Variants in AHCTF1 observed in about 807,000 individuals in gnomAD.
AHCTF1 encodes the protein protein ELYS.
Under a neutral mutation model 248.4 loss-of-function variants are expected in AHCTF1, and 24 were observed. That is an observed-to-expected ratio of 0.10 (90% confidence interval 0.07 to 0.14). The LOEUF (loss-of-function observed/expected upper bound fraction) is 0.14, where lower values mean the gene tolerates loss of function less well. Ranked by LOEUF, AHCTF1 falls within the 10% of genes least tolerant of loss-of-function variation. AHCTF1 has a pLI of 1.00. For synonymous variants in AHCTF1, 786 were observed against 929.8 expected (o/e 0.85, Z 2.81); for missense variants, 2,206 against 2,636.2 (o/e 0.84, Z 3.57).
At chr1:246,869,137 C>A (rs1278403519) in intron 24 of AHCTF1, among the ~76,000 whole-genome samples, 1 of 151,902 alleles carries the variant, frequency 6.6e-6, no homozygotes, top group Non-Finnish European at 1.5e-5. Context: ...GCCACCACGC[C>A]CGGCCGTGTG....
At position 246,891,772 on chromosome 1, in the gene AHCTF1, A is replaced by G; in HGVS notation, c.1945+7T>C. On this transcript the variant is annotated splice_region_variant and intron_variant, in intron 15 of 35. Transcript: ENST00000648844. ...AAAACACTCATTTGATAAAACAAAG[A>G]GCGTACCTCTCTCAGTGATCTCTCG... The G allele has an allele frequency of 6.2e-7, 1 of 1,607,048 alleles. No homozygotes were observed. Among genetic ancestry groups the G allele is most frequent in the Non-Finnish European group, 8.5e-7 (1 of 1,178,452 alleles).
chr1:246,921,578 A>C lies in AHCTF1; in HGVS notation c.-7-3201T>G, dbSNP rs539812932. On this transcript the variant is annotated intron_variant, in intron 1 of 35. Coordinates refer to ENST00000648844, the MANE Select transcript of AHCTF1 (RefSeq NM_001323342.2). Reference sequence around the variant, plus strand: ...GCCTAATCAGAATCCCCCCAAAAATATAGTACTAATAGGAAGAAGCAATAT... The same window carrying C: ...GCCTAATCAGAATCCCCCCAAAAATCTAGTACTAATAGGAAGAAGCAATAT... 2.8e-3 allele frequency among the ~76,000 whole-genome samples: 427 copies of C among 152,282 alleles called. 2 individuals carry two copies. Among genetic ancestry groups the C allele is most frequent in the Non-Finnish European group, 5.2e-3 (357 of 68,016 alleles).
At chr1:246,847,132 C>CA (rs923792420) in intron 33 of AHCTF1, among the ~76,000 whole-genome samples, 2 of 151,638 alleles carry the variant, frequency 1.3e-5, no homozygotes, top group East Asian at 2.0e-4. Flanking sequence ...ACTAAAAATA[C>CA]AAAAAAATGA....
At chr1:246,910,751 A>C (rs1665744163) in intron 4 of AHCTF1, among the ~76,000 whole-genome samples, 1 of 148,202 alleles carries the variant, frequency 6.7e-6, no homozygotes, top group Admixed American at 6.8e-5. Context: ...CCCACCCCCA[A>C]ATCACTTCTG....
intron 26 of AHCTF1, chr1:246,864,385 T>G: frequency 1.0e-5 from 3 of 297,296 alleles, no homozygotes; most frequent in East Asian, 6.3e-5. Flanking sequence ...TACTGAGCTC[T>G]TACTATGTGC....
chr1:246,925,035 A>AAAG, intron 1 of AHCTF1, among the ~76,000 whole-genome samples: 1 of 152,182 alleles, frequency 6.6e-6, no homozygotes, highest in Non-Finnish European at 1.5e-5. Context: ...AAAGGCCAGA[A>AAAG]TCACATTGTT....
intron 8 of AHCTF1, among the ~76,000 whole-genome samples, chr1:246,901,330 C>T (rs1238492735): frequency 6.6e-6 from 1 of 151,400 alleles, no homozygotes; most frequent in Non-Finnish European, 1.5e-5. Context: ...GACAGTGAGA[C>T]CCTGTCTCTA....
intron 10 of AHCTF1, 55 bp from the exon 11 acceptor site, chr1:246,899,567 T>C (rs886222853): frequency 1.7e-5 from 24 of 1,390,860 alleles, no homozygotes; most frequent in South Asian, 6.2e-5. Context: ...ATGGCATTAA[T>C]AGAACAAAAT....
At chr1:246,868,946 G>T (rs372392410) in intron 24 of AHCTF1, among the ~76,000 whole-genome samples, 1 of 150,010 alleles carries the variant, frequency 6.7e-6, no homozygotes, top group East Asian at 2.0e-4. Flanking sequence ...CCGGGTTCAC[G>T]CCATTCTCCT....
chr1:246,929,425 A>AAAT (rs1200796121), intron 1 of AHCTF1, among the ~76,000 whole-genome samples: 3 of 151,870 alleles, frequency 2.0e-5, no homozygotes, highest in Non-Finnish European at 2.9e-5. Context: ...ATAAAAATAA[A>AAAT]AATAAAAATA....
chr1:246,869,001 T>C (rs1779981), intron 24 of AHCTF1, among the ~76,000 whole-genome samples: 136,448 of 150,946 alleles, frequency 0.9, 61,932 homozygotes, highest in East Asian at 1. Flanking sequence ...CCCGCCACCA[T>C]GCCTGGCTAA....
At chr1:246,887,950 C>G (rs983415357) in intron 19 of AHCTF1, among the ~76,000 whole-genome samples, 4 of 152,126 alleles carry the variant, frequency 2.6e-5, no homozygotes, top group Non-Finnish European at 4.4e-5. Flanking sequence ...TGATAAAAGC[C>G]AAGTACCCTA....
At chr1:246,872,673 A>G (rs1176802783) in intron 24 of AHCTF1, among the ~76,000 whole-genome samples, 1 of 152,200 alleles carries the variant, frequency 6.6e-6, no homozygotes, top group Non-Finnish European at 1.5e-5. Flanking sequence ...GGAAACTCAA[A>G]AACTGACTAA....
At chr1:246,881,811 C>G (rs751596748) in intron 21 of AHCTF1, among the ~76,000 whole-genome samples, 18 of 146,656 alleles carry the variant, frequency 1.2e-4, no homozygotes, top group Non-Finnish European at 2.2e-4. Context: ...GCACCCCAGC[C>G]TGGGTAACAG....
chr1:246,931,522 C>T (rs1192783677), intron 1 of AHCTF1, 56 bp downstream of exon 1: 3 of 359,782 alleles, frequency 8.3e-6, no homozygotes, highest in East Asian at 1.7e-4. Context: ...CGGGTCCAGG[C>T]CGCGCGACCC....
chr1:246,868,905 T>G (rs368778976), intron 24 of AHCTF1, among the ~76,000 whole-genome samples: 2 of 148,326 alleles, frequency 1.3e-5, no homozygotes, highest in African/African-American at 5.0e-5. Flanking sequence ...AGTGCAGTGG[T>G]GTGATCTCGG....
At position 246,849,600 on chromosome 1, in the gene AHCTF1, G is replaced by A; in HGVS notation, c.6391+15C>T. The A allele has an allele frequency of 1.9e-6, 3 of 1,583,030 alleles. No individual in the cohort carries two copies. Among genetic ancestry groups the A allele is most frequent in the Non-Finnish European group, 2.6e-6 (3 of 1,164,822 alleles). ...GACTGAGATGAAAAACTGTTTTGCA[G>A]AGAAAGAAAAGTACCTTTTGCTTTC... On this transcript the variant is annotated intron_variant, in intron 33 of 35. Transcript: ENST00000648844.
chr1:246,897,244 T>C (rs953679894), intron 12 of AHCTF1, among the ~76,000 whole-genome samples: 8 of 151,970 alleles, frequency 5.3e-5, no homozygotes, highest in Non-Finnish European at 7.4e-5. Flanking sequence ...ACCCAGGAGG[T>C]TGGAGGTTGC....
chr1:246,891,790 A>G lies in AHCTF1; in HGVS notation c.1934T>C (p.Ile645Thr), dbSNP rs747683525. The G allele has an allele frequency of 4.3e-6, 7 of 1,610,434 alleles. No individual in the cohort carries two copies. In the South Asian group the frequency reaches 6.7e-5, roughly 15 times the overall value. Residue 645 changes from isoleucine (I) to threonine (T), a missense_variant, in exon 15 of 36, where the codon ATC becomes ACC. Around this residue, in one of 6 missense-constraint regions of AHCTF1, gnomAD observed 650 missense variants for 870.8 expected, o/e 0.75. Transcript: ENST00000648844. ...LSCFASEAREITERGLIDLSN... is the reference protein window; with the variant it reads ...LSCFASEARETTERGLIDLSN... Reference sequence around the variant, plus strand: ...AACAAAGAGCGTACCTCTCTCAGTGATCTCTCGGGCTTCTGATGCAAAACA... The same window carrying G: ...AACAAAGAGCGTACCTCTCTCAGTGGTCTCTCGGGCTTCTGATGCAAAACA...
Sources: gnomAD v4.1 joint callset for allele counts (sites outside exome capture counted in the v4.1 genomes callset) on GRCh38, gnomAD v4.1.1 for gene constraint, gnomAD v4.1.1 regional missense constraint, MANE v1.5 for transcripts, NCBI Gene and HGNC (gene_info 2026-07-23, HGNC 2026-07-21) for gene names.